Variants in C12orf42 observed in about 807,000 individuals in gnomAD.
C12orf42 encodes the protein chromosome 12 open reading frame 42.
A neutral mutation model predicts 21.6 loss-of-function variants in C12orf42; 25 were observed. The ratio of observed to expected loss-of-function variants is 1.16; its 90% CI spans 0.84 to 1.62. The LOEUF (loss-of-function observed/expected upper bound fraction) is 1.62, where lower values mean the gene tolerates loss of function less well. C12orf42 is among the 40% of genes most tolerant of loss of function. The probability of loss-of-function intolerance (pLI) is 0.00; values close to 1 mark genes in which losing one functional copy is unlikely to be tolerated. For missense variants in C12orf42, 483 were observed against 459.3 expected (o/e 1.05, Z -0.47); for synonymous variants, 174 against 175.0 (o/e 0.99, Z 0.05).
chr12:103,181,304 A>T, the C12orf42 span, among the ~76,000 whole-genome samples: 1 of 146,292 alleles, frequency 6.8e-6, no homozygotes, highest in Non-Finnish European at 1.6e-5. Context: ...ATAAAAAATG[A>T]AAAAAATTCA....
chr12:103,157,274 T>C, the C12orf42 span, among the ~76,000 whole-genome samples: 3 of 152,250 alleles, frequency 2.0e-5, no homozygotes, highest in African/African-American at 4.8e-5. Context: ...ATGTCTTCAT[T>C]TGAGAAGCGT....
chr12:103,361,127 C>T (rs913601790), intron 4 of C12orf42, among the ~76,000 whole-genome samples: 5 of 151,988 alleles, frequency 3.3e-5, no homozygotes, highest in African/African-American at 1.2e-4. Flanking sequence ...CCAGGAAAGC[C>T]GAAAGAATCC....
At chr12:103,067,421 G>T in the C12orf42 span, among the ~76,000 whole-genome samples, 1 of 152,128 alleles carries the variant, frequency 6.6e-6, no homozygotes, top group Non-Finnish European at 1.5e-5. Context: ...TTGATAGAAT[G>T]GTGGAATGGT....
the C12orf42 span, among the ~76,000 whole-genome samples, chr12:103,062,208 A>G: frequency 6.6e-6 from 1 of 151,190 alleles, no homozygotes; most frequent in Admixed American, 6.6e-5. Flanking sequence ...TTATTTATAT[A>G]TATACATATA....
chr12:103,410,855 G>A (rs546852344), intron 2 of C12orf42, among the ~76,000 whole-genome samples: 21 of 152,256 alleles, frequency 1.4e-4, no homozygotes, highest in South Asian at 4.1e-4. Flanking sequence ...TAAGGAAAGC[G>A]GGAAGAGAAA....
chr12:103,143,554 C>T, the C12orf42 span, among the ~76,000 whole-genome samples: 1 of 152,202 alleles, frequency 6.6e-6, no homozygotes, highest in African/African-American at 2.4e-5. Context: ...TCCCCACCCC[C>T]ATTGCTGGGA....
chr12:103,231,318 G>T, the C12orf42 span, among the ~76,000 whole-genome samples: 3 of 152,136 alleles, frequency 2.0e-5, no homozygotes, highest in Non-Finnish European at 4.4e-5. Context: ...CTTTTCACTT[G>T]AAGTCCAGAG....
At chr12:103,425,803 G>T (rs1949760191) in intron 2 of C12orf42, among the ~76,000 whole-genome samples, 1 of 152,074 alleles carries the variant, frequency 6.6e-6, no homozygotes, top group Non-Finnish European at 1.5e-5. Context: ...TCCCTACCCT[G>T]AGGTGAGGAA....
chr12:103,266,125 G>T (rs1011057722), downstream of C12orf42, among the ~76,000 whole-genome samples: 7 of 152,048 alleles, frequency 4.6e-5, no homozygotes, highest in Non-Finnish European at 8.8e-5. Context: ...CTCCTCAAAT[G>T]CTTCTAAAAG....
chr12:103,108,831 T>C, the C12orf42 span, among the ~76,000 whole-genome samples: 1 of 152,152 alleles, frequency 6.6e-6, no homozygotes, highest in African/African-American at 2.4e-5. Context: ...GTATTCACAA[T>C]ATAAAAAGAA....
chr12:103,465,900 T>C (rs1953088069), intron 2 of C12orf42, among the ~76,000 whole-genome samples: 1 of 152,228 alleles, frequency 6.6e-6, no homozygotes, highest in South Asian at 2.1e-4. Flanking sequence ...GAATTATGTA[T>C]ATTGATTTGT....
intron 1 of C12orf42, among the ~76,000 whole-genome samples, chr12:103,486,309 C>T (rs963468126): frequency 7.9e-5 from 12 of 152,176 alleles, no homozygotes; most frequent in Non-Finnish European, 1.5e-4. Flanking sequence ...AGCCTTGCAT[C>T]CCAGTGATGA....
chr12:103,079,652 A>G, the C12orf42 span, among the ~76,000 whole-genome samples: 2 of 152,222 alleles, frequency 1.3e-5, no homozygotes, highest in African/African-American at 4.8e-5. Flanking sequence ...GCTTTAAACA[A>G]TCACATTTAT....
chr12:103,283,386 G>A (rs1381432780), intron 4 of C12orf42, among the ~76,000 whole-genome samples: 1 of 152,184 alleles, frequency 6.6e-6, no homozygotes, highest in African/African-American at 2.4e-5. Context: ...TCTACATTCT[G>A]CTCTGTGTTC....
chr12:103,353,613 T>C (rs2043282889), intron 4 of C12orf42, among the ~76,000 whole-genome samples: 1 of 152,088 alleles, frequency 6.6e-6, no homozygotes, highest in Non-Finnish European at 1.5e-5. Context: ...ACTTCCTGAA[T>C]TTCCCAAGAA....
the C12orf42 span, among the ~76,000 whole-genome samples, chr12:103,201,868 T>C: frequency 1.3e-5 from 2 of 152,226 alleles, no homozygotes; most frequent in Non-Finnish European, 2.9e-5. Flanking sequence ...CGTTTGCTTT[T>C]TGTTAACATC....
the C12orf42 span, among the ~76,000 whole-genome samples, chr12:103,098,383 A>G: frequency 6.6e-6 from 1 of 152,224 alleles, no homozygotes; most frequent in Non-Finnish European, 1.5e-5. Flanking sequence ...AGTAATTCAT[A>G]TACAGCTCTT....
intron 2 of C12orf42, chr12:103,477,938 T>C (rs1442772234): frequency 1.1e-5 from 2 of 182,604 alleles, no homozygotes; most frequent in Non-Finnish European, 2.2e-5. Flanking sequence ...AGAGCATTTG[T>C]AGTTTTTTAT....
chr12:103,068,925 C>G, the C12orf42 span, among the ~76,000 whole-genome samples: 1 of 101,652 alleles, frequency 9.8e-6, no homozygotes, highest in Non-Finnish European at 1.9e-5. Context: ...ATATATATCT[C>G]TCTCTCCACA....
Sources: allele counts gnomAD v4.1 joint callset (sites outside exome capture counted in the v4.1 genomes callset), GRCh38; gene constraint gnomAD v4.1.1; transcripts MANE v1.5; gene names NCBI Gene and HGNC (gene_info 2026-07-23, HGNC 2026-07-21).